The following LARGE1 variants were observed in gnomAD, a reference collection of about 807,000 sequenced individuals.
LARGE1 encodes LARGE xylosyl- and glucuronyltransferase 1.
Under a neutral mutation model 87.6 loss-of-function variants are expected in LARGE1, and 43 were observed. The ratio of observed to expected loss-of-function variants is 0.49; its 90% CI spans 0.38 to 0.63. The LOEUF (loss-of-function observed/expected upper bound fraction) is 0.63, where lower values mean the gene tolerates loss of function less well. Among genes scored for constraint, LARGE1 ranks in the 30% least tolerant of loss-of-function variants. LARGE1 has a pLI of 0.00. For missense variants in LARGE1, 802 were observed against 1,000.2 expected, an observed-to-expected ratio of 0.80 and a Z score of 2.67; for synonymous variants, 434 against 394.6, an observed-to-expected ratio of 1.10 and a Z score of -1.18.
At chr22:33,699,406 A>T (rs1257370419) in intron 2 of LARGE1, among the ~76,000 whole-genome samples, 1 of 152,208 alleles carries the variant, frequency 6.6e-6, no homozygotes, top group Non-Finnish European at 1.5e-5. Flanking sequence ...GAAATGGAGA[A>T]CCAGATGTGT....
At chr22:33,127,812 A>C in the LARGE1 span, among the ~76,000 whole-genome samples, 28 of 152,250 alleles carry the variant, frequency 1.8e-4, no homozygotes, top group African/African-American at 6.0e-4. Context: ...TTCTGAAAGA[A>C]AATGATGAAA....
chr22:33,769,433 C>T lies in LARGE1; in HGVS notation c.-82-7875G>A, dbSNP rs1450711161. Among the ~76,000 whole-genome samples, 5 of 152,208 alleles carry T rather than the reference C, an allele frequency of 3.3e-5. No homozygotes were observed. In the East Asian group the frequency reaches 9.6e-4, roughly 29 times the overall value. Reference sequence around the variant, plus strand: ...AGGGACTTGTTCATTTTGCCCACTGCTGCCTTGTTCATTACTAGCACAGTA... The same window carrying T: ...AGGGACTTGTTCATTTTGCCCACTGTTGCCTTGTTCATTACTAGCACAGTA... On this transcript the variant is annotated intron_variant, in intron 1 of 14. Coordinates refer to ENST00000397394, the MANE Select transcript of LARGE1 (RefSeq NM_133642.5).
At chr22:33,859,498 G>C (rs2063851197) in intron 1 of LARGE1, among the ~76,000 whole-genome samples, 1 of 152,164 alleles carries the variant, frequency 6.6e-6, no homozygotes, top group Admixed American at 6.5e-5. Flanking sequence ...GAAAATAAAA[G>C]GGAGTTTTCA....
Position 33,233,364 on chromosome 22 carries a change from T to C in LARGE1, c.1731-66532A>G, listed in dbSNP as rs569345558. ...GGTACCACTAGTAAAGCATTTACTT[T>C]ATGCCAAGCCTGTGCTAAGAACCTT... On this transcript the variant is annotated intron_variant, in intron 11 of 11. Transcript: ENST00000608642. Among the ~76,000 whole-genome samples, 15 of 152,372 alleles carry C rather than the reference T, an allele frequency of 9.8e-5. No homozygotes were observed. The South Asian group carries it at 2.7e-3, about 27-fold the overall frequency.
intron 2 of LARGE1, among the ~76,000 whole-genome samples, chr22:33,672,145 G>A (rs369401507): frequency 1.3e-5 from 2 of 152,080 alleles, no homozygotes; most frequent in Non-Finnish European, 2.9e-5. Flanking sequence ...GAAGACCTAC[G>A]AAGAGAGATG....
chr22:33,629,653 C>T (rs914047149), intron 3 of LARGE1, among the ~76,000 whole-genome samples: 3 of 152,068 alleles, frequency 2.0e-5, no homozygotes, highest in South Asian at 2.1e-4. Context: ...GAAAGATAAA[C>T]GATCCTTGAA....
rs557750938 is a variant in LARGE1 at position 33,325,710 on chromosome 22, G to A, written c.1288-9462C>T. Among the ~76,000 whole-genome samples, 205 of 152,342 alleles carry A rather than the reference G, an allele frequency of 1.3e-3. 1 individual carries two copies. The highest frequency in any genetic ancestry group is 4.4e-3 in the Admixed American group (68 of 15,300). On this transcript the variant is annotated intron_variant, in intron 10 of 14. Coordinates refer to ENST00000397394, the MANE Select transcript of LARGE1 (RefSeq NM_133642.5). ...TGGGAGGCCCCGTTTCTTCCTTCCT[G>A]TGACACCCCTCCTTCTGATGTCTTG...
At chr22:33,354,877 T>C (rs1940744998) in intron 9 of LARGE1, among the ~76,000 whole-genome samples, 1 of 152,176 alleles carries the variant, frequency 6.6e-6, no homozygotes, top group African/African-American at 2.4e-5. Context: ...AAACCAACAT[T>C]TCAAAAATAA....
chr22:33,500,178 T>C (rs896748964), intron 6 of LARGE1, among the ~76,000 whole-genome samples: 2 of 152,252 alleles, frequency 1.3e-5, no homozygotes, highest in African/African-American at 4.8e-5. Flanking sequence ...ATGTTTCTTT[T>C]TTCTTTTACA....
chr22:33,611,454 G>T (rs1350650901), intron 4 of LARGE1, among the ~76,000 whole-genome samples: 1 of 152,346 alleles, frequency 6.6e-6, no homozygotes, highest in Non-Finnish European at 1.5e-5. Context: ...TTGCAGACTT[G>T]TGTGGGGGCC....
At chr22:33,646,790 T>C (rs966605144) in intron 3 of LARGE1, among the ~76,000 whole-genome samples, 2 of 152,176 alleles carry the variant, frequency 1.3e-5, no homozygotes, top group East Asian at 1.9e-4. Flanking sequence ...TGCAATGGCA[T>C]GACCTCAGCT....
At chr22:33,078,013 A>G in the LARGE1 span, among the ~76,000 whole-genome samples, 1 of 152,064 alleles carries the variant, frequency 6.6e-6, no homozygotes, top group Non-Finnish European at 1.5e-5. Context: ...AATTTGCAGT[A>G]GAAGACTGGC....
the LARGE1 span, among the ~76,000 whole-genome samples, chr22:33,126,618 G>A: frequency 6.6e-6 from 1 of 152,174 alleles, no homozygotes; most frequent in Non-Finnish European, 1.5e-5. Context: ...TTGTGGGCAG[G>A]CTGTTCACCT....
chr22:33,850,912 A>AAC (rs2063565895), intron 1 of LARGE1, among the ~76,000 whole-genome samples: 1 of 152,158 alleles, frequency 6.6e-6, no homozygotes, highest in Admixed American at 6.5e-5. Context: ...GTCTTAAAAA[A>AAC]AAAGACACCA....
At chr22:33,415,468 C>T (rs1431218370) in intron 7 of LARGE1, among the ~76,000 whole-genome samples, 1 of 152,180 alleles carries the variant, frequency 6.6e-6, no homozygotes, top group African/African-American at 2.4e-5. Context: ...GCTGGTGCTC[C>T]AGGAAGGGAG....
At chr22:33,700,921 T>G (rs1311460721) in intron 2 of LARGE1, among the ~76,000 whole-genome samples, 1 of 152,158 alleles carries the variant, frequency 6.6e-6, no homozygotes, top group African/African-American at 2.4e-5. Flanking sequence ...GAGAGTGGAT[T>G]TCCACATCCG....
chr22:33,269,825 G>GA (rs1489072841), downstream of LARGE1, among the ~76,000 whole-genome samples: 1 of 152,056 alleles, frequency 6.6e-6, no homozygotes, highest in Non-Finnish European at 1.5e-5. Flanking sequence ...CTAAAACGGT[G>GA]AAACCCTGTC....
chr22:33,655,460 GGCTTTC>G (rs1001213705), intron 2 of LARGE1, among the ~76,000 whole-genome samples: 1 of 152,126 alleles, frequency 6.6e-6, no homozygotes, highest in African/African-American at 2.4e-5. Flanking sequence ...CTGGTTCTCA[GGCTTTC>G]GGACTCAGAC....
intron 6 of LARGE1, among the ~76,000 whole-genome samples, chr22:33,528,294 G>A (rs959719080): frequency 6.6e-6 from 1 of 152,174 alleles, no homozygotes; most frequent in African/African-American, 2.4e-5. Context: ...GCTGGGGACT[G>A]TAGACTCCGT....
Sources: allele counts gnomAD v4.1 joint callset (sites outside exome capture counted in the v4.1 genomes callset), GRCh38; gene constraint gnomAD v4.1.1; transcripts MANE v1.5; gene names NCBI Gene and HGNC (gene_info 2026-07-23, HGNC 2026-07-21).